Variants in RYK observed in about 807,000 individuals in gnomAD.
RYK encodes receptor like tyrosine kinase.
Under a neutral mutation model 70.2 loss-of-function variants are expected in RYK, and 21 were observed. That is an observed-to-expected ratio of 0.30 (90% CI 0.21 to 0.43). The LOEUF is 0.43. Among genes scored for constraint, RYK ranks in the 20% least tolerant of loss-of-function variants. The pLI, the probability that RYK is intolerant of heterozygous loss-of-function variation, is 1.00. For synonymous variants in RYK, 267 were observed against 278.0 expected (o/e 0.96, Z 0.39); for missense variants, 604 against 753.3 (o/e 0.80, Z 2.32).
chr3:134,191,445 T>C (rs973906658), intron 8 of RYK, among the ~76,000 whole-genome samples: 1 of 152,148 alleles, frequency 6.6e-6, no homozygotes, highest in Non-Finnish European at 1.5e-5. Context: ...AAATGTGGGA[T>C]TGGAACTAAG....
At chr3:134,185,033 G>A (rs1018088658) in intron 9 of RYK, among the ~76,000 whole-genome samples, 3 of 148,140 alleles carry the variant, frequency 2.0e-5, no homozygotes, top group Admixed American at 1.4e-4. Flanking sequence ...TACTCAGGTG[G>A]CTGAGGTGGG....
At chr3:134,235,006 GACTT>G (rs2015164551) in intron 1 of RYK, among the ~76,000 whole-genome samples, 1 of 152,022 alleles carries the variant, frequency 6.6e-6, no homozygotes, top group Non-Finnish European at 1.5e-5. Flanking sequence ...TAGGAAATGT[GACTT>G]ACTTCAAATC....
rs148987655 is a variant in RYK, at chr3:134,201,374, T to C, written c.788+1356A>G. ...CCTTCATATTCTTACGCCACAAATA[T>C]GCTTCCCAGCTGCATGTTAAGACTA... On this transcript the variant is annotated intron_variant, in intron 6 of 14. Coordinates refer to ENST00000623711, the MANE Select transcript of RYK (RefSeq NM_002958.4). 2.9e-3 allele frequency among the ~76,000 whole-genome samples: 437 copies of C among 152,318 alleles called. 2 individuals carry two copies. The highest frequency in any genetic ancestry group is 9.1e-3 in the African/African-American group (380 of 41,566).
rs114224299 is a variant in RYK, at chr3:134,243,378, C to T, written c.232+7045G>A. 3.5e-3 allele frequency among the ~76,000 whole-genome samples: 531 copies of T among 152,290 alleles called. 5 individuals are homozygous for T. Among genetic ancestry groups the T allele is most frequent in the African/African-American group, 0.012 (514 of 41,562 alleles). The stretch of plus-strand genomic sequence containing the variant: ...TCACAAGGTTGGCTCTATCTCATTT[C>T]CCAGATCCAGCATTTCATTCTCCAA... On this transcript the variant is annotated intron_variant, in intron 1 of 14. Transcript: ENST00000623711.
At chr3:134,236,408 A>T (rs939963934) in intron 1 of RYK, among the ~76,000 whole-genome samples, 2 of 152,330 alleles carry the variant, frequency 1.3e-5, no homozygotes, top group Non-Finnish European at 1.5e-5. Flanking sequence ...GAAAACTACA[A>T]ACATTGCTGA....
At chr3:134,240,332 C>A (rs1054608322) in intron 1 of RYK, among the ~76,000 whole-genome samples, 1 of 152,086 alleles carries the variant, frequency 6.6e-6, no homozygotes, top group African/African-American at 2.4e-5. Flanking sequence ...TTGAGAACTG[C>A]TGAAGCTGGA....
At chr3:134,192,636 T>G (rs1486276181) in intron 7 of RYK, among the ~76,000 whole-genome samples, 1 of 152,102 alleles carries the variant, frequency 6.6e-6, no homozygotes, top group East Asian at 1.9e-4. Context: ...ACAAATTAGT[T>G]TTCACTTCAA....
rs775956464 is a variant in RYK at position 134,175,731 on chromosome 3, C to A, written c.1453G>T (p.Ala485Ser). 1 of 1,613,812 alleles carries A rather than the reference C, an allele frequency of 6.2e-7. No individual in the cohort carries two copies. The highest frequency in any genetic ancestry group is 1.1e-5 in the South Asian group (1 of 91,060). ...ATGGGGAACAAGTCTCTGGAGAGGG[C>A]ATTGTCTGTGATCTTAACTTGAAGT... is the stretch of plus-strand genomic sequence containing the variant. Reference protein sequence around the residue: ...DTLQVKITDNALSRDLFPMDY... With the variant: ...DTLQVKITDNSLSRDLFPMDY... The change falls in exon 13 of 15, where the codon GCC (alanine) becomes TCC (serine). Residue 485 changes from alanine to serine, a missense_variant. Coordinates refer to ENST00000623711, the MANE Select transcript of RYK (RefSeq NM_002958.4).
chr3:134,187,415 A>G (rs536870452), intron 9 of RYK, among the ~76,000 whole-genome samples: 1 of 152,272 alleles, frequency 6.6e-6, no homozygotes, highest in East Asian at 1.9e-4. Flanking sequence ...TTCTGAAGGG[A>G]AAGTGCTAAA....
In RYK at chr3:134,235,756, A is replaced by G. The variant is rs145984606; in HGVS notation, c.233-13217T>C. On this transcript the variant is annotated intron_variant, in intron 1 of 14. Coordinates refer to ENST00000623711, the MANE Select transcript of RYK (RefSeq NM_002958.4). ...TTATTACTGTCAGGGAGTGTTAAGCATCACAGAGGTTAAGTGAGTAGTGAG... is the reference window on the plus strand; with the variant it reads ...TTATTACTGTCAGGGAGTGTTAAGCGTCACAGAGGTTAAGTGAGTAGTGAG... Among the ~76,000 whole-genome samples, 11 of 152,298 alleles carry G rather than the reference A, an allele frequency of 7.2e-5. No homozygotes were observed. The East Asian group carries it at 2.1e-3, about 29-fold the overall frequency.
intron 7 of RYK, among the ~76,000 whole-genome samples, chr3:134,192,913 G>C (rs947215759): frequency 6.6e-6 from 1 of 152,080 alleles, no homozygotes; most frequent in Non-Finnish European, 1.5e-5. Context: ...AATTCTACCT[G>C]GAGTTCTCTT....
At chr3:134,188,967 A>G (rs2013559268) in intron 8 of RYK, 44 bp from the exon 9 acceptor site, 2 of 1,133,864 alleles carry the variant, frequency 1.8e-6, no homozygotes, top group South Asian at 1.4e-5. Flanking sequence ...CAACATTCAT[A>G]AAATTATAGT....
chr3:134,185,511 T>G lies in RYK; in HGVS notation c.1103-2440A>C, dbSNP rs145388067. On this transcript the variant is annotated intron_variant, in intron 9 of 14. Coordinates refer to ENST00000623711, the MANE Select transcript of RYK (RefSeq NM_002958.4). ...AAATGGGTAGACAAAAAGCCAAGGA[T>G]CTGAAACATTCGGTACTTCTTTGGA... Among the ~76,000 whole-genome samples the G allele has an allele frequency of 3.3e-3, 506 of 152,350 alleles. 8 individuals are homozygous for G. The highest frequency in any genetic ancestry group is 0.023 in the Admixed American group (349 of 15,302).
intron 14 of RYK, among the ~76,000 whole-genome samples, chr3:134,158,609 T>C (rs1392172427): frequency 6.6e-6 from 1 of 152,236 alleles, no homozygotes; most frequent in Non-Finnish European, 1.5e-5. Flanking sequence ...ATCTAAGTTC[T>C]ATGAACCCTG....
At chr3:134,202,563 A>AATAAAG (rs1269219262) in intron 6 of RYK, 167 bp downstream of exon 6, 8 of 545,412 alleles carry the variant, frequency 1.5e-5, no homozygotes, top group Non-Finnish European at 2.5e-5. Context: ...TAAAAATAAA[A>AATAAAG]TCAGAGAAAC....
chr3:134,235,248 G>GA (rs1313922793), intron 1 of RYK, among the ~76,000 whole-genome samples: 1 of 151,524 alleles, frequency 6.6e-6, no homozygotes, highest in African/African-American at 2.4e-5. Context: ...ACAAGAACAT[G>GA]AAAAAAAATT....
intron 1 of RYK, among the ~76,000 whole-genome samples, chr3:134,233,259 C>G (rs989793732): frequency 6.6e-6 from 1 of 152,182 alleles, no homozygotes; most frequent in East Asian, 1.9e-4. Flanking sequence ...GTGGCTGGCC[C>G]TTAACCTTAT....
At chr3:134,187,717 GCTA>G (rs1196798155) in intron 9 of RYK, among the ~76,000 whole-genome samples, 1 of 149,786 alleles carries the variant, frequency 6.7e-6, no homozygotes, top group Non-Finnish European at 1.5e-5. Context: ...ACCACACCCA[GCTA>G]CTTTTTTTTT....
At chr3:134,171,726 G>A (rs752693428) in intron 13 of RYK, among the ~76,000 whole-genome samples, 4 of 152,086 alleles carry the variant, frequency 2.6e-5, no homozygotes, top group Non-Finnish European at 5.9e-5. Context: ...AATTAGCCAC[G>A]TGTGGTGGCA....
Sources: gnomAD v4.1 joint callset for allele counts (sites outside exome capture counted in the v4.1 genomes callset) on GRCh38, gnomAD v4.1.1 for gene constraint, MANE v1.5 for transcripts, NCBI Gene and HGNC (gene_info 2026-07-23, HGNC 2026-07-21) for gene names.